ENOSF1: variants seen among roughly 807,000 people sequenced by gnomAD.
ENOSF1 encodes mitochondrial enolase superfamily member 1.
In ENOSF1, 73 loss-of-function variants were observed where a neutral mutation model predicts 68.2. That is an observed-to-expected ratio of 1.07 (90% CI 0.89 to 1.30). The LOEUF is 1.30. Ranked by LOEUF, ENOSF1 falls within the 50% of genes most tolerant of loss-of-function variation. The pLI is 0.00. For synonymous variants in ENOSF1, 223 were observed against 210.4 expected, an observed-to-expected ratio of 1.06 and a Z score of -0.52; for missense variants, 589 against 554.5, an observed-to-expected ratio of 1.06 and a Z score of -0.62.
chr18:694,904 T>C (rs2077567804), intron 3 of ENOSF1, among the ~76,000 whole-genome samples: 1 of 152,148 alleles, frequency 6.6e-6, no homozygotes, highest in South Asian at 2.1e-4. Flanking sequence ...TGAATAAAGT[T>C]GCAAATATCA....
intron 15 of ENOSF1, among the ~76,000 whole-genome samples, chr18:674,807 A>C (rs185198567): frequency 6.6e-5 from 10 of 152,378 alleles, no homozygotes; most frequent in Non-Finnish European, 1.2e-4. Flanking sequence ...GGCGTAAGCC[A>C]CCATGCCCAG....
intron 2 of ENOSF1, among the ~76,000 whole-genome samples, chr18:704,007 T>TA (rs1490265231): frequency 1.3e-5 from 2 of 152,292 alleles, no homozygotes; most frequent in East Asian, 1.9e-4. Flanking sequence ...ACCATGATTG[T>TA]AAGTGTCCTG....
Position 700,416 on chromosome 18 carries a change from T to C in ENOSF1, c.194-3061A>G, listed in dbSNP as rs547967758. Among the ~76,000 whole-genome samples the C allele has an allele frequency of 5.9e-5, 9 of 152,350 alleles. No individual in the cohort carries two copies. In the South Asian group the frequency reaches 6.2e-4, roughly 11 times the overall value. ...AGGATTTGATTGTTGCTATAAATCA[T>C]TGACTGAAGCATACCTCTGGTTCAT... On this transcript the variant is annotated intron_variant, in intron 2 of 15. Coordinates refer to ENST00000647584, the MANE Select transcript of ENOSF1 (RefSeq NM_017512.7).
intron 1 of ENOSF1, among the ~76,000 whole-genome samples, chr18:708,863 G>T (rs959813425): frequency 2.0e-5 from 3 of 152,184 alleles, no homozygotes; most frequent in Admixed American, 2.0e-4. Context: ...GTTCCTGAAG[G>T]AGTTGAGCGA....
downstream of ENOSF1, among the ~76,000 whole-genome samples, chr18:667,364 AGATGGT>A (rs1452151862): frequency 6.5e-3 from 55 of 8,426 alleles, 9 homozygotes; most frequent in Non-Finnish European, 9.1e-3. Context: ...ATGGTGATGG[AGATGGT>A]GATGGTGATG....
intron 1 of ENOSF1, among the ~76,000 whole-genome samples, chr18:708,881 GAGA>G (rs769550913): frequency 1.5e-4 from 23 of 152,170 alleles, no homozygotes; most frequent in Non-Finnish European, 2.6e-4. Context: ...CGATGAGGCT[GAGA>G]AGGAGACTCC....
At position 694,373 on chromosome 18, in the gene ENOSF1, T is replaced by C. The variant is rs570716108; in HGVS notation, c.310-39A>G. 42 of 1,590,902 alleles carry C rather than the reference T, an allele frequency of 2.6e-5. 1 individual carries two copies. The South Asian group carries it at 3.8e-4, about 14-fold the overall frequency. On this transcript the variant is annotated intron_variant, in intron 3 of 15. Transcript: ENST00000647584. ...AAAGTACAAAAGCACTTTTTAGAAATGAAAAAGAGGGCTGGGTGTGATGGC... is the reference window on the plus strand; with the variant it reads ...AAAGTACAAAAGCACTTTTTAGAAACGAAAAAGAGGGCTGGGTGTGATGGC...
At chr18:696,215 T>G (rs904274860) in intron 3 of ENOSF1, among the ~76,000 whole-genome samples, 3 of 147,566 alleles carry the variant, frequency 2.0e-5, no homozygotes, top group Admixed American at 6.7e-5. Flanking sequence ...TTTTTTTTTT[T>G]TTTTTTTTTG....
Position 673,324 on chromosome 18 carries a change from A to T in ENOSF1, c.*981T>A, listed in dbSNP as rs1244481941. Reference sequence around the variant, plus strand: ...ACGTACTTATAAAGAAGGTTGGTGAATTTCACAAGCTATTTTTGGAATATT... The same window carrying T: ...ACGTACTTATAAAGAAGGTTGGTGATTTTCACAAGCTATTTTTGGAATATT... On this transcript the variant is annotated 3_prime_UTR_variant, in exon 16 of 16. Coordinates refer to ENST00000647584, the MANE Select transcript of ENOSF1 (RefSeq NM_017512.7). 4.2e-6 allele frequency: 1 copy of T among 239,792 alleles called. No individual in the cohort carries two copies. Among genetic ancestry groups the T allele is most frequent in the Non-Finnish European group, 8.1e-6 (1 of 123,346 alleles). The allele number at this position is 239,792 out of a possible 1,614,324, so 14.9% of individuals were successfully genotyped here. A position where few individuals can be genotyped will look rare whatever the true frequency, so the allele number is the denominator to read the frequency against.
intron 2 of ENOSF1, among the ~76,000 whole-genome samples, chr18:703,281 A>G (rs895146874): frequency 6.6e-6 from 1 of 152,184 alleles, no homozygotes; most frequent in Non-Finnish European, 1.5e-5. Context: ...CACCCATCCC[A>G]GAAGGGCTTC....
rs1235626712 is a variant in ENOSF1, at chr18:688,427, G to C, written c.653+147C>G. On this transcript the variant is annotated intron_variant, in intron 9 of 15. Transcript: ENST00000647584. ...CCTTTAGAGAAAGAGCCTGGCCTAAGGGGAAACTTCTCTTATGCATCCCTA... is the reference window on the plus strand; with the variant it reads ...CCTTTAGAGAAAGAGCCTGGCCTAACGGGAAACTTCTCTTATGCATCCCTA... 5.5e-6 allele frequency: 5 copies of C among 915,878 alleles called. No individual in the cohort carries two copies. The East Asian group carries it at 1.1e-4, about 19-fold the overall frequency. 56.7% of individuals were successfully genotyped at this position (915,878 alleles called of 1,614,324 possible).
chr18:667,119 TGATGGTGATGGA>T (rs1215516576), downstream of ENOSF1, among the ~76,000 whole-genome samples: 26 of 72,320 alleles, frequency 3.6e-4, 2 homozygotes, highest in East Asian at 3.0e-3. Context: ...ATGGTGATGG[TGATGGTGATGGA>T]GATGGTGATG....
chr18:666,533 G>T (rs36080427), downstream of ENOSF1, among the ~76,000 whole-genome samples: 3,394 of 152,264 alleles, frequency 0.022, 128 homozygotes, highest in African/African-American at 0.078. Context: ...TGCCACCTTG[G>T]AATGTGGGGT....
At chr18:688,248 G>A (rs774869455) in intron 9 of ENOSF1, 10 of 256,408 alleles carry the variant, frequency 3.9e-5, no homozygotes, top group African/African-American at 1.1e-4. Flanking sequence ...AGTTAAGCTC[G>A]CTGCCTCTGG....
Position 671,302 on chromosome 18 carries a change from C to A in ENOSF1, c.*3003G>T. 1 of 959,886 alleles carries A rather than the reference C, an allele frequency of 1.0e-6. No individual in the cohort carries two copies. Among genetic ancestry groups the A allele is most frequent in the Non-Finnish European group, 1.7e-6 (1 of 589,454 alleles). 59.5% of individuals were successfully genotyped at this position (959,886 alleles called of 1,614,324 possible). A position where few individuals can be genotyped will look rare whatever the true frequency, so the allele number is the denominator to read the frequency against. ...TTTAAAAAAAGCCTTGCGGTGTCTGCATATTCTAATGTTTTTAAATGATGT... is the reference window on the plus strand; with the variant it reads ...TTTAAAAAAAGCCTTGCGGTGTCTGAATATTCTAATGTTTTTAAATGATGT... On this transcript the variant is annotated 3_prime_UTR_variant, in exon 16 of 16. Transcript: ENST00000647584.
At chr18:692,952 CAACT>C in intron 5 of ENOSF1, 1 of 1,167,654 alleles carries the variant, frequency 8.6e-7, no homozygotes, top group Non-Finnish European at 1.1e-6. Context: ...AATTTTTTGC[CAACT>C]AATAACAAGG....
At chr18:691,158 C>T in intron 6 of ENOSF1, 46 bp downstream of exon 6, 1 of 1,613,366 alleles carries the variant, frequency 6.2e-7, no homozygotes, top group Non-Finnish European at 8.5e-7. Flanking sequence ...AAGCATGCCA[C>T]TACTGTGTGT....
intron 1 of ENOSF1, among the ~76,000 whole-genome samples, chr18:707,119 G>A (rs944505544): frequency 1.3e-5 from 2 of 151,918 alleles, no homozygotes; most frequent in African/African-American, 2.4e-5. Flanking sequence ...GCACCTGGTC[G>A]CAATGTATAC....
At chr18:678,660 A>G in intron 12 of ENOSF1, 36 bp downstream of exon 12, 1 of 1,611,298 alleles carries the variant, frequency 6.2e-7, no homozygotes. Flanking sequence ...ACTGACCCCA[A>G]GGGGACGTCA....
Sources: allele counts gnomAD v4.1 joint callset (sites outside exome capture counted in the v4.1 genomes callset), GRCh38; gene constraint gnomAD v4.1.1; transcripts MANE v1.5; gene names NCBI Gene and HGNC (gene_info 2026-07-23, HGNC 2026-07-21).